PDE3A: variants seen among roughly 807,000 people sequenced by gnomAD.
PDE3A encodes the protein phosphodiesterase 3A.
In PDE3A, 43 loss-of-function variants were observed where a neutral mutation model predicts 98.3. The observed-to-expected ratio is 0.44, with a 90% CI of 0.34 to 0.56. The LOEUF is 0.56. PDE3A is among the 20% of genes least tolerant of loss of function. The pLI is 0.01. For missense variants in PDE3A, 1,427 were observed against 1,440.7 expected, an observed-to-expected ratio of 0.99 and a Z score of 0.15; for synonymous variants, 663 against 567.9, an observed-to-expected ratio of 1.17 and a Z score of -2.38.
In PDE3A at chr12:20,630,004, A is replaced by G. The variant is rs773566016; in HGVS notation, c.1637A>G (p.Gln546Arg). The part of the protein sequence containing the change: ...SSLVSKISAV[Q>R]FPESADTTAK... Reference sequence around the variant, plus strand: ...CTGGTCAGCAAAATTTCTGCAGTGCAGTTTCCAGAATCTGCTGACACAACT... The same window carrying G: ...CTGGTCAGCAAAATTTCTGCAGTGCGGTTTCCAGAATCTGCTGACACAACT... Residue 546 changes from glutamine (Q) to arginine (R), a missense_variant, in exon 6 of 16, where the codon CAG becomes CGG. Physicochemically the swap from Gln to Arg is conservative, Grantham distance 43. Around this residue, in one of 3 missense-constraint regions of PDE3A, gnomAD observed 1,012 missense variants for 886.5 expected, o/e 1.14. Coordinates refer to ENST00000359062, the MANE Select transcript of PDE3A (RefSeq NM_000921.5). 2 of 1,613,896 alleles carry G rather than the reference A, an allele frequency of 1.2e-6. No individual in the cohort carries two copies. The highest frequency in any genetic ancestry group is 1.3e-5 in the African/African-American group (1 of 74,912).
chr12:20,628,541 A>G (rs1944315379), intron 5 of PDE3A, among the ~76,000 whole-genome samples: 1 of 152,104 alleles, frequency 6.6e-6, no homozygotes, highest in Admixed American at 6.6e-5. Context: ...TCTCCCATGT[A>G]CTAGTACTGT....
intron 1 of PDE3A, among the ~76,000 whole-genome samples, chr12:20,451,208 A>T (rs1033799006): frequency 6.6e-6 from 1 of 152,160 alleles, no homozygotes; most frequent in Non-Finnish European, 1.5e-5. Context: ...CCAAACAAAG[A>T]ATGTTTCAGA....
intron 10 of PDE3A, among the ~76,000 whole-genome samples, chr12:20,640,530 GA>G (rs1944623023): frequency 6.6e-6 from 1 of 151,992 alleles, no homozygotes; most frequent in Admixed American, 6.6e-5. Context: ...AGTGGTTATG[GA>G]AAAATGATAA....
chr12:20,390,148 G>C (rs1198894644), intron 1 of PDE3A, among the ~76,000 whole-genome samples: 1 of 151,898 alleles, frequency 6.6e-6, no homozygotes, highest in Non-Finnish European at 1.5e-5. Context: ...CTGAGGAGTA[G>C]AGGTGGGATG....
intron 2 of PDE3A, among the ~76,000 whole-genome samples, chr12:20,563,252 T>C (rs941266895): frequency 2.6e-5 from 4 of 152,236 alleles, no homozygotes; most frequent in Non-Finnish European, 5.9e-5. Flanking sequence ...ACTTCTTTTC[T>C]AGGTTAAATC....
intron 1 of PDE3A, among the ~76,000 whole-genome samples, chr12:20,414,303 G>C (rs1944383740): frequency 6.6e-6 from 1 of 152,178 alleles, no homozygotes; most frequent in South Asian, 2.1e-4. Flanking sequence ...CTTAACAAGA[G>C]AGTAGAGGTG....
chr12:20,459,293 T>C (rs1425817199), intron 1 of PDE3A, among the ~76,000 whole-genome samples: 3 of 152,136 alleles, frequency 2.0e-5, no homozygotes, highest in South Asian at 2.1e-4. Flanking sequence ...TAGACTTTTA[T>C]TGATATTTTA....
In PDE3A at chr12:20,629,981, G is replaced by A; in HGVS notation, c.1614G>A (p.Leu538=). 1 of 1,613,944 alleles carries A rather than the reference G, an allele frequency of 6.2e-7. No homozygotes were observed. The highest frequency in any genetic ancestry group is 8.5e-7 in the Non-Finnish European group (1 of 1,179,940). The part of the protein sequence containing the change: ...SPLQGTPASS[L]VSKISAVQFP... ...TCCAAGGGACTCCTGCCAGCAGCCTGGTCAGCAAAATTTCTGCAGTGCAGT... is the reference window on the plus strand; with the variant it reads ...TCCAAGGGACTCCTGCCAGCAGCCTAGTCAGCAAAATTTCTGCAGTGCAGT... The change falls in exon 6 of 16, where the codon CTG becomes CTA. Residue 538 remains leucine, a synonymous_variant. Transcript: ENST00000359062.
At chr12:20,453,173 CTTT>C (rs55780939) in intron 1 of PDE3A, among the ~76,000 whole-genome samples, 1 of 124,612 alleles carries the variant, frequency 8.0e-6, no homozygotes. Flanking sequence ...CTTGATAATG[CTTT>C]TTTTTTTTTT....
intron 2 of PDE3A, among the ~76,000 whole-genome samples, chr12:20,559,362 T>C (rs1347618164): frequency 6.6e-6 from 1 of 151,874 alleles, no homozygotes; most frequent in Non-Finnish European, 1.5e-5. Context: ...AAGTGACATA[T>C]ATACAAAGTG....
At position 20,368,732 on chromosome 12, in the gene PDE3A, A is replaced by T. The variant is rs550330559; in HGVS notation, c.-553A>T. Among the ~76,000 whole-genome samples the T allele has an allele frequency of 7.9e-5, 12 of 152,030 alleles. No homozygotes were observed. The South Asian group carries it at 2.5e-3, about 32-fold the overall frequency. On this transcript the variant is annotated 5_prime_UTR_variant, in exon 1 of 16. Transcript: ENST00000359062. ...GGGGAGAATCGGCCGAGGAGAAAGA[A>T]AGAGTGATAGAAAAAGAGCTGCAGG... is the stretch of plus-strand genomic sequence containing the variant.
intron 2 of PDE3A, among the ~76,000 whole-genome samples, chr12:20,586,327 A>T (rs1426798543): frequency 1.3e-5 from 2 of 152,178 alleles, no homozygotes; most frequent in Non-Finnish European, 2.9e-5. Flanking sequence ...CAAATTATAC[A>T]GCACTCTTAT....
At position 20,683,998 on chromosome 12, in the gene PDE3A, C is replaced by T. The variant is rs1945876101; in HGVS notation, c.*3727C>T. ...AAAGCTGTGCAAAAGGCATGAGACTCAGGCCTACTCTTTGTTTAAATGATG... is the reference window on the plus strand; with the variant it reads ...AAAGCTGTGCAAAAGGCATGAGACTTAGGCCTACTCTTTGTTTAAATGATG... On this transcript the variant is annotated 3_prime_UTR_variant, in exon 16 of 16. Coordinates refer to ENST00000359062, the MANE Select transcript of PDE3A (RefSeq NM_000921.5). 1 of 152,082 alleles carries T rather than the reference C, an allele frequency of 6.6e-6. No individual in the cohort carries two copies. Among genetic ancestry groups the T allele is most frequent in the African/African-American group, 2.4e-5 (1 of 41,424 alleles). 9.4% of individuals were successfully genotyped at this position (152,082 alleles called of 1,614,324 possible). A position where few individuals can be genotyped will look rare whatever the true frequency, so the allele number is the denominator to read the frequency against.
intron 5 of PDE3A, among the ~76,000 whole-genome samples, chr12:20,622,285 C>T (rs1295325567): frequency 1.3e-5 from 2 of 152,218 alleles, no homozygotes; most frequent in Admixed American, 1.3e-4. Context: ...AGCTGCACCC[C>T]TCTGTCTGGA....
At chr12:20,444,437 A>G (rs1944920552) in intron 1 of PDE3A, among the ~76,000 whole-genome samples, 1 of 152,208 alleles carries the variant, frequency 6.6e-6, no homozygotes, top group Non-Finnish European at 1.5e-5. Context: ...AAATAAAATG[A>G]ATTGGTTGTA....
intron 15 of PDE3A, among the ~76,000 whole-genome samples, chr12:20,679,513 CTGGGAT>C (rs1179702397): frequency 6.6e-6 from 1 of 152,204 alleles, no homozygotes; most frequent in Non-Finnish European, 1.5e-5. Flanking sequence ...TCCCAAAGTG[CTGGGAT>C]TCACAGACGT....
chr12:20,415,579 A>G (rs1944409335), intron 1 of PDE3A, among the ~76,000 whole-genome samples: 1 of 152,022 alleles, frequency 6.6e-6, no homozygotes, highest in African/African-American at 2.4e-5. Flanking sequence ...CTGGGCTTAT[A>G]GGCACCCGCC....
intron 15 of PDE3A, among the ~76,000 whole-genome samples, chr12:20,673,228 A>C (rs1245189873): frequency 6.6e-6 from 1 of 152,108 alleles, no homozygotes; most frequent in Non-Finnish European, 1.5e-5. Context: ...GTGGAGAAAT[A>C]GGAACACTTT....
At chr12:20,659,974 C>A (rs1945126086) in intron 15 of PDE3A, among the ~76,000 whole-genome samples, 1 of 152,060 alleles carries the variant, frequency 6.6e-6, no homozygotes, top group Admixed American at 6.6e-5. Context: ...GTCCATATAC[C>A]AGGTGATATG....
Sources: gnomAD v4.1 joint callset for allele counts (sites outside exome capture counted in the v4.1 genomes callset) on GRCh38, gnomAD v4.1.1 for gene constraint, gnomAD v4.1.1 regional missense constraint, MANE v1.5 for transcripts, NCBI Gene and HGNC (gene_info 2026-07-23, HGNC 2026-07-21) for gene names.